The following ADAMTS16 variants were observed in gnomAD, a reference collection of about 807,000 sequenced individuals.
ADAMTS16 encodes the protein ADAM metallopeptidase with thrombospondin type 1 motif 16.
Under a neutral mutation model 145.8 loss-of-function variants are expected in ADAMTS16, and 94 were observed. That is an observed-to-expected ratio of 0.64 (90% confidence interval 0.55 to 0.77). The LOEUF is 0.77. ADAMTS16 is among the 30% of genes least tolerant of loss of function. The probability of loss-of-function intolerance (pLI) is 0.00; values close to 1 mark genes in which losing one functional copy is unlikely to be tolerated. For synonymous variants in ADAMTS16, 659 were observed against 604.3 expected, an observed-to-expected ratio of 1.09 and a Z score of -1.33; for missense variants, 1,585 against 1,591.5, an observed-to-expected ratio of 1.00 and a Z score of 0.07.
chr5:5,148,984 C>T (rs930104188), intron 3 of ADAMTS16, among the ~76,000 whole-genome samples: 2 of 152,130 alleles, frequency 1.3e-5, no homozygotes, highest in Admixed American at 1.3e-4. Context: ...GCCCTGTCCT[C>T]ATAGTAAAGT....
chr5:5,158,144 T>C (rs779786364), intron 3 of ADAMTS16, among the ~76,000 whole-genome samples: 8 of 152,332 alleles, frequency 5.3e-5, no homozygotes, highest in Non-Finnish European at 1.2e-4. Context: ...ACACCTTATT[T>C]TTCTCTTTAT....
At chr5:5,295,241 T>C (rs1362538387) in intron 18 of ADAMTS16, among the ~76,000 whole-genome samples, 1 of 152,242 alleles carries the variant, frequency 6.6e-6, no homozygotes, top group Non-Finnish European at 1.5e-5. Context: ...GAAGTTGTTT[T>C]AAAATTTGTA....
Position 5,243,757 on chromosome 5 carries a change from T to C in ADAMTS16, c.2662+1566T>C, listed in dbSNP as rs78220303. Among the ~76,000 whole-genome samples, 48 of 152,356 alleles carry C rather than the reference T, an allele frequency of 3.2e-4. No homozygotes were observed. The East Asian group carries it at 7.0e-3, about 22-fold the overall frequency. ...TGGCCAGTCGATGATTCTGTTTCAATATACCAGATTCACTGGTGTCTTTCC... is the reference window on the plus strand; with the variant it reads ...TGGCCAGTCGATGATTCTGTTTCAACATACCAGATTCACTGGTGTCTTTCC... On this transcript the variant is annotated intron_variant, in intron 17 of 22. Coordinates refer to ENST00000274181, the MANE Select transcript of ADAMTS16 (RefSeq NM_139056.4).
chr5:5,275,736 T>C (rs1292993646), intron 18 of ADAMTS16, among the ~76,000 whole-genome samples: 5 of 152,190 alleles, frequency 3.3e-5, no homozygotes, highest in Admixed American at 1.3e-4. Flanking sequence ...GCTCCATTTA[T>C]TATTATTTTT....
intron 16 of ADAMTS16, 25 bp from the exon 17 acceptor site, chr5:5,242,027 AT>A (rs778689870): frequency 6.2e-7 from 1 of 1,612,432 alleles, no homozygotes; most frequent in South Asian, 1.1e-5. Flanking sequence ...AATTTGTTTT[AT>A]TTTTTCCCCT....
At chr5:5,289,462 A>T (rs1179623928) in intron 18 of ADAMTS16, among the ~76,000 whole-genome samples, 2 of 152,218 alleles carry the variant, frequency 1.3e-5, no homozygotes, top group Non-Finnish European at 2.9e-5. Flanking sequence ...CATTGTTAAC[A>T]TTCCCAACAA....
intron 18 of ADAMTS16, among the ~76,000 whole-genome samples, chr5:5,292,370 G>A (rs766558536): frequency 5.3e-5 from 8 of 151,944 alleles, no homozygotes; most frequent in South Asian, 2.1e-4. Flanking sequence ...GGAGGTGCAC[G>A]CCTGTAATCC....
chr5:5,279,912 TTCTTTATTTC>T (rs975731025), intron 18 of ADAMTS16, among the ~76,000 whole-genome samples: 5 of 95,854 alleles, frequency 5.2e-5, no homozygotes, highest in East Asian at 7.7e-4. Context: ...TTTCTTTTCT[TTCTTTATTTC>T]TCTTTTTCTT....
At chr5:5,192,140 T>C (rs919449883) in intron 8 of ADAMTS16, among the ~76,000 whole-genome samples, 3 of 152,168 alleles carry the variant, frequency 2.0e-5, no homozygotes, top group Admixed American at 6.5e-5. Flanking sequence ...TTCACCACCA[T>C]GCTTGGCTAA....
At chr5:5,195,889 G>A (rs1456787702) in intron 8 of ADAMTS16, among the ~76,000 whole-genome samples, 1 of 152,130 alleles carries the variant, frequency 6.6e-6, no homozygotes, top group African/African-American at 2.4e-5. Flanking sequence ...AGAGCTGTCG[G>A]TATTGCAAGA....
chr5:5,212,832 CTA>C (rs1736315586), intron 10 of ADAMTS16, among the ~76,000 whole-genome samples: 1 of 152,060 alleles, frequency 6.6e-6, no homozygotes, highest in Non-Finnish European at 1.5e-5. Context: ...TATTTGTTTT[CTA>C]TTAGTCTCAT....
At chr5:5,265,573 G>C (rs1738209968) in intron 18 of ADAMTS16, among the ~76,000 whole-genome samples, 1 of 152,196 alleles carries the variant, frequency 6.6e-6, no homozygotes. Flanking sequence ...CTTTAAGAGG[G>C]GCTGGGGTTA....
At chr5:5,257,576 G>T (rs1347455440) in intron 17 of ADAMTS16, among the ~76,000 whole-genome samples, 1 of 152,262 alleles carries the variant, frequency 6.6e-6, no homozygotes, top group African/African-American at 2.4e-5. Context: ...GAGAGGAAAT[G>T]ATGTTACTGC....
chr5:5,150,598 C>G (rs1212731354), intron 3 of ADAMTS16, among the ~76,000 whole-genome samples: 3 of 152,228 alleles, frequency 2.0e-5, no homozygotes, highest in Admixed American at 2.0e-4. Context: ...TTCTACACTT[C>G]AGTCATCACG....
At chr5:5,233,493 C>G (rs1210360166) in intron 12 of ADAMTS16, among the ~76,000 whole-genome samples, 1 of 152,154 alleles carries the variant, frequency 6.6e-6, no homozygotes, top group Non-Finnish European at 1.5e-5. Flanking sequence ...CTTCCTCCCA[C>G]CCTCCACCTT....
At chr5:5,307,463 C>A (rs958660185) in intron 21 of ADAMTS16, among the ~76,000 whole-genome samples, 3 of 152,150 alleles carry the variant, frequency 2.0e-5, no homozygotes, top group East Asian at 3.9e-4. Flanking sequence ...CTGATTCTCT[C>A]CTTTTGGAGA....
intron 3 of ADAMTS16, among the ~76,000 whole-genome samples, chr5:5,181,823 T>C (rs538679537): frequency 2.6e-5 from 4 of 152,280 alleles, no homozygotes; most frequent in South Asian, 4.2e-4. Context: ...ACGCCAGCCT[T>C]TCTCCAGGTA....
intron 11 of ADAMTS16, 32 bp from the exon 12 acceptor site, chr5:5,232,336 T>A: frequency 6.2e-7 from 1 of 1,613,506 alleles, no homozygotes; most frequent in Non-Finnish European, 8.5e-7. Context: ...TCTGTGTGAG[T>A]CAAGTCAACT....
rs1681053316 is a variant in ADAMTS16, at chr5:5,320,070, G to A, written c.*932G>A. Reference sequence around the variant, plus strand: ...AGAGTCCTGTGTTTTGTTTTTGTGTGTTGTGAGATTTTAATCTTTTTTTTT... The same window carrying A: ...AGAGTCCTGTGTTTTGTTTTTGTGTATTGTGAGATTTTAATCTTTTTTTTT... On this transcript the variant is annotated 3_prime_UTR_variant, in exon 23 of 23. Coordinates refer to ENST00000274181, the MANE Select transcript of ADAMTS16 (RefSeq NM_139056.4). The surrounding 1 kb of genome is among the most constrained non-coding windows in gnomAD (Gnocchi z 5.1). 3.0e-6 allele frequency: 1 copy of A among 331,700 alleles called. No individual in the cohort carries two copies. The highest frequency in any genetic ancestry group is 2.9e-5 in the African/African-American group (1 of 34,848). 20.5% of individuals were successfully genotyped at this position (331,700 alleles called of 1,614,324 possible).
Sources: gnomAD v4.1 joint callset for allele counts (sites outside exome capture counted in the v4.1 genomes callset) on GRCh38, gnomAD v4.1.1 for gene constraint, Gnocchi (gnomAD v3.1) non-coding constraint, MANE v1.5 for transcripts, NCBI Gene and HGNC (gene_info 2026-07-23, HGNC 2026-07-21) for gene names.